WFDC8: variants seen among roughly 807,000 people sequenced by gnomAD.
WFDC8 encodes the protein WAP four-disulfide core domain protein 8.
A neutral mutation model predicts 27.0 loss-of-function variants in WFDC8; 24 were observed. The observed-to-expected ratio is 0.89, with a 90% CI of 0.64 to 1.25. WFDC8 has a LOEUF of 1.25. Ranked by LOEUF, WFDC8 falls within the 50% of genes most tolerant of loss-of-function variation. WFDC8 has a pLI of 0.00. For missense variants in WFDC8, 287 were observed against 295.9 expected, an observed-to-expected ratio of 0.97 and a Z score of 0.22; for synonymous variants, 106 against 99.7, an observed-to-expected ratio of 1.06 and a Z score of -0.38.
chr20:45,556,966 A>G (rs1286154854), intron 3 of WFDC8, among the ~76,000 whole-genome samples: 2 of 152,200 alleles, frequency 1.3e-5, no homozygotes, highest in East Asian at 1.9e-4. Context: ...CTGATCCACT[A>G]TAACTTTCTG....
At chr20:45,569,053 C>G (rs1188201584) in intron 1 of WFDC8, among the ~76,000 whole-genome samples, 1 of 152,140 alleles carries the variant, frequency 6.6e-6, no homozygotes, top group Non-Finnish European at 1.5e-5. Context: ...GTCACATCAG[C>G]CTTTAACTCT....
chr20:45,551,773 G>A lies in WFDC8; in HGVS notation c.*253C>T, dbSNP rs768916135. ...GAACTAGACAAGGATGGATGCCATT[G>A]CCTTTATTTTCATTATTATTTTGGA... On this transcript the variant is annotated 3_prime_UTR_variant, in exon 6 of 6. Coordinates refer to ENST00000289953, the MANE Select transcript of WFDC8 (RefSeq NM_130896.3). 59 of 362,282 alleles carry A rather than the reference G, an allele frequency of 1.6e-4. No individual in the cohort carries two copies. The highest frequency in any genetic ancestry group is 6.2e-4 in the South Asian group (11 of 17,772). 22.4% of individuals were successfully genotyped at this position (362,282 alleles called of 1,614,324 possible).
At chr20:45,554,513 A>G (rs892853148) in intron 4 of WFDC8, among the ~76,000 whole-genome samples, 2 of 152,124 alleles carry the variant, frequency 1.3e-5, no homozygotes, top group Non-Finnish European at 2.9e-5. Flanking sequence ...TCTGACTGCA[A>G]ATTCTACAAG....
At chr20:45,565,539 T>A (rs1410468366) in intron 1 of WFDC8, among the ~76,000 whole-genome samples, 1 of 152,182 alleles carries the variant, frequency 6.6e-6, no homozygotes, top group Non-Finnish European at 1.5e-5. Context: ...AAAGCATACT[T>A]CTTACATATC....
chr20:45,552,133 G>A lies in WFDC8; in HGVS notation c.619C>T (p.Leu207=), dbSNP rs1600883018. 6.2e-7 allele frequency: 1 copy of A among 1,613,978 alleles called. No individual in the cohort carries two copies. Among genetic ancestry groups the A allele is most frequent in the African/African-American group, 1.3e-5 (1 of 74,916 alleles). ...TTGGGTTTATCAATCTTGGTACATAGCAAGGGCTTGCGTGGGCAGAAACCT... is the reference window on the plus strand; with the variant it reads ...TTGGGTTTATCAATCTTGGTACATAACAAGGGCTTGCGTGGGCAGAAACCT... The part of the protein sequence containing the change: ...KKGFCPRKPL[L]CTKIDKPKCL... The change falls in exon 6 of 6, where the codon CTA becomes TTA. Residue 207 remains leucine (L), a synonymous_variant. Transcript: ENST00000289953.
At chr20:45,554,825 G>A (rs987718720) in intron 4 of WFDC8, among the ~76,000 whole-genome samples, 7 of 152,170 alleles carry the variant, frequency 4.6e-5, no homozygotes, top group Admixed American at 3.9e-4. Flanking sequence ...ACCAACTGTG[G>A]GTCCTCAGGC....
At chr20:45,570,329 T>G (rs1980825926) in intron 1 of WFDC8, among the ~76,000 whole-genome samples, 1 of 152,230 alleles carries the variant, frequency 6.6e-6, no homozygotes, top group South Asian at 2.1e-4. Context: ...TTCTAACTGT[T>G]AAAGAATTGC....
chr20:45,561,073 A>G (rs996415627), intron 2 of WFDC8, among the ~76,000 whole-genome samples: 2 of 152,038 alleles, frequency 1.3e-5, no homozygotes, highest in African/African-American at 4.8e-5. Context: ...TCCTTTCCCC[A>G]TTGTCAGCTT....
At chr20:45,561,985 G>A in intron 2 of WFDC8, 125 bp downstream of exon 2, 1 of 813,784 alleles carries the variant, frequency 1.2e-6, no homozygotes, top group East Asian at 2.7e-5. Context: ...AGCAGGGGTA[G>A]CTTTCTGTGG....
rs768079481 is a variant in WFDC8, at chr20:45,570,052, G to A, written c.27-7833C>T. 2.0e-5 allele frequency among the ~76,000 whole-genome samples: 3 copies of A among 152,246 alleles called. No individual in the cohort carries two copies. In the South Asian group the frequency reaches 6.2e-4, roughly 32 times the overall value. On this transcript the variant is annotated intron_variant, in intron 1 of 5. Transcript: ENST00000289953. The stretch of plus-strand genomic sequence containing the variant: ...CCTATGGGAGGTTGGAGGGTAGGAG[G>A]AAGGAGAGGATCAGGAAAAATAACT...
At chr20:45,570,422 ATG>A (rs1249750927) in intron 1 of WFDC8, among the ~76,000 whole-genome samples, 6 of 143,854 alleles carry the variant, frequency 4.2e-5, no homozygotes, top group Admixed American at 2.8e-4. Flanking sequence ...TTAAAAAATT[ATG>A]TAGCAGTTTA....
At chr20:45,576,918 C>T (rs1981065746) in intron 1 of WFDC8, among the ~76,000 whole-genome samples, 1 of 151,398 alleles carries the variant, frequency 6.6e-6, no homozygotes, top group East Asian at 1.9e-4. Flanking sequence ...TTCATTTCTA[C>T]AATTTTATTA....
intron 1 of WFDC8, among the ~76,000 whole-genome samples, chr20:45,575,129 T>C (rs908324875): frequency 6.6e-6 from 1 of 152,190 alleles, no homozygotes; most frequent in Non-Finnish European, 1.5e-5. Context: ...AATGCCAATT[T>C]CTACCACTTT....
At chr20:45,557,524 C>T (rs892348566) in intron 3 of WFDC8, among the ~76,000 whole-genome samples, 16 of 152,220 alleles carry the variant, frequency 1.1e-4, no homozygotes, top group African/African-American at 3.9e-4. Flanking sequence ...CCTCTGCCTC[C>T]CGAGTTCAAG....
chr20:45,570,975 G>C (rs141127408), intron 1 of WFDC8, among the ~76,000 whole-genome samples: 1 of 152,030 alleles, frequency 6.6e-6, no homozygotes. Flanking sequence ...AAGATTTTTC[G>C]TATTTTCCAA....
At position 45,552,156 on chromosome 20, in the gene WFDC8, C is replaced by G; in HGVS notation, c.596G>C (p.Gly199Ala). 1.2e-6 allele frequency: 2 copies of G among 1,613,558 alleles called. No individual in the cohort carries two copies. Among genetic ancestry groups the G allele is most frequent in the African/African-American group, 1.3e-5 (1 of 75,008 alleles). Residue 199 changes from glycine to alanine, a missense_variant, in exon 6 of 6, where the codon GGT becomes GCT. Coordinates refer to ENST00000289953, the MANE Select transcript of WFDC8 (RefSeq NM_130896.3). The part of the protein sequence containing the change: ...VCARAWTVKK[G>A]FCPRKPLLCT... Reference sequence around the variant, plus strand: ...TAGCAAGGGCTTGCGTGGGCAGAAACCTTTTTTGACTTTATGGGGTAAAAG... The same window carrying G: ...TAGCAAGGGCTTGCGTGGGCAGAAAGCTTTTTTGACTTTATGGGGTAAAAG...
chr20:45,562,130 A>G lies in WFDC8; in HGVS notation c.116T>C (p.Met39Thr), dbSNP rs79465015. Residue 39 changes from methionine (M) to threonine (T), a missense_variant, in exon 2 of 6, where the codon ATG (methionine) becomes ACG (threonine). Physicochemically the swap from Met to Thr is moderately conservative, Grantham distance 81. Coordinates refer to ENST00000289953, the MANE Select transcript of WFDC8 (RefSeq NM_130896.3). ...CTCACGTTTGATCTTCTTGGTCAGCATTGCAGAAGTCCACTCCAAAGCAAG... is the reference window on the plus strand; with the variant it reads ...CTCACGTTTGATCTTCTTGGTCAGCGTTGCAGAAGTCCACTCCAAAGCAAG... ...LSLALEWTSA[M>T]LTKKIKHKPG... 1,796 of 1,614,096 alleles carry G rather than the reference A, an allele frequency of 1.1e-3. 19 individuals carry two copies. The African/African-American group carries it at 0.021, about 19-fold the overall frequency.
At chr20:45,564,971 AAGAC>A (rs1247420963) in intron 1 of WFDC8, among the ~76,000 whole-genome samples, 1 of 146,416 alleles carries the variant, frequency 6.8e-6, no homozygotes, top group Non-Finnish European at 1.5e-5. Context: ...GAAGGAAAGA[AAGAC>A]AAAGAAGGAA....
intron 4 of WFDC8, among the ~76,000 whole-genome samples, chr20:45,554,839 T>C (rs1980180267): frequency 1.3e-5 from 2 of 152,206 alleles, no homozygotes; most frequent in South Asian, 4.1e-4. Flanking sequence ...CTCAGGCAAC[T>C]AACTTCACCT....
Sources: allele counts gnomAD v4.1 joint callset (sites outside exome capture counted in the v4.1 genomes callset), GRCh38; gene constraint gnomAD v4.1.1; transcripts MANE v1.5; gene names NCBI Gene and HGNC (gene_info 2026-07-23, HGNC 2026-07-21).